Variants in CHD5 observed in about 807,000 individuals in gnomAD.
CHD5 encodes ATP-dependent chromatin remodeler CHD5.
In CHD5, 69 loss-of-function variants were observed where a neutral mutation model predicts 230.3. The ratio of observed to expected loss-of-function variants is 0.30; its 90% confidence interval spans 0.25 to 0.37. The LOEUF (loss-of-function observed/expected upper bound fraction) is 0.37. Ranked by LOEUF, CHD5 falls within the 10% of genes least tolerant of loss-of-function variation. The pLI, the probability that CHD5 is intolerant of heterozygous loss-of-function variation, is 1.00. For synonymous variants in CHD5, 1,064 were observed against 1,065.9 expected (o/e 1.00, Z 0.03); for missense variants, 1,827 against 2,622.8 (o/e 0.70, Z 6.63).
chr1:6,144,289 A>C, intron 11 of CHD5, 134 bp from the exon 12 acceptor site: 1 of 1,223,766 alleles, frequency 8.2e-7, no homozygotes, highest in Non-Finnish European at 1.2e-6. Context: ...CAGGAGGAGG[A>C]GACGAGGGCA....
At chr1:6,123,298 C>T (rs536184853) in intron 31 of CHD5, among the ~76,000 whole-genome samples, 1 of 152,210 alleles carries the variant, frequency 6.6e-6, no homozygotes, top group East Asian at 1.9e-4. Flanking sequence ...CTGCCCAGGC[C>T]TGGGGTGGGG....
At chr1:6,137,062 G>C (rs1310306009) in intron 15 of CHD5, among the ~76,000 whole-genome samples, 197 bp from the exon 16 acceptor site, 1 of 146,294 alleles carries the variant, frequency 6.8e-6, no homozygotes, top group Non-Finnish European at 1.5e-5. Context: ...TCAGAACACA[G>C]CCCTGAGAGA....
chr1:6,124,664 GGGGT>G lies in CHD5; in HGVS notation c.4395-7_4395-4del. On this transcript the variant is annotated splice_region_variant and splice_polypyrimidine_tract_variant and intron_variant, in intron 29 of 41. Transcript: ENST00000262450. ...GCATGAAGAGGGACACATAGGCTCT[GGGGT>G]GGGGGGGGGGGACTGGGGCTCAGGG... 1.4e-6 allele frequency: 2 copies of G among 1,401,866 alleles called. No individual in the cohort carries two copies. Among genetic ancestry groups the G allele is most frequent in the South Asian group, 1.3e-5 (1 of 76,126 alleles). The allele number at this position is 1,401,866 out of a possible 1,614,324, so 86.8% of individuals were successfully genotyped here. A position where few individuals can be genotyped will look rare whatever the true frequency, so the allele number is the denominator to read the frequency against.
intron 2 of CHD5, among the ~76,000 whole-genome samples, chr1:6,160,877 T>G (rs1354402548): frequency 2.0e-5 from 3 of 152,190 alleles, no homozygotes; most frequent in Non-Finnish European, 4.4e-5. Flanking sequence ...TCGGAGAAAG[T>G]GGTTTACTTG....
chr1:6,119,705 A>G (rs1359147748), intron 33 of CHD5, among the ~76,000 whole-genome samples: 1 of 151,896 alleles, frequency 6.6e-6, no homozygotes, highest in Non-Finnish European at 1.5e-5. Context: ...GCGCATATAT[A>G]TATACGTGTG....
intron 15 of CHD5, among the ~76,000 whole-genome samples, chr1:6,137,084 AGG>A (rs1557548594): frequency 2.7e-3 from 147 of 55,016 alleles, no homozygotes; most frequent in African/African-American, 7.1e-3. Flanking sequence ...GGTGGTGTGG[AGG>A]AGGAGAAGAA....
Position 6,125,394 on chromosome 1 carries a change from C to G in CHD5, c.4260+130G>C. The G allele has an allele frequency of 7.9e-7, 1 of 1,264,934 alleles. No individual in the cohort carries two copies. 78.4% of individuals were successfully genotyped at this position (1,264,934 alleles called of 1,614,324 possible). On this transcript the variant is annotated intron_variant, in intron 28 of 41. Coordinates refer to ENST00000262450, the MANE Select transcript of CHD5 (RefSeq NM_015557.3). The surrounding 1 kb of genome is among the most constrained non-coding windows in gnomAD (Gnocchi z 6.7). ...GGGGCAGGACCCTGACGGCGAAGAC[C>G]AGACCAAGTTCTGTCCAAGCTCCGC...
At chr1:6,135,867 G>A (rs575578101) in intron 17 of CHD5, among the ~76,000 whole-genome samples, 3 of 152,154 alleles carry the variant, frequency 2.0e-5, no homozygotes, top group African/African-American at 7.2e-5. Context: ...AAAATTAGCC[G>A]GGCGTGGTGA....
chr1:6,179,899 G>A (rs1667487573), intron 1 of CHD5, 46 bp downstream of exon 1: 2 of 1,127,220 alleles, frequency 1.8e-6, no homozygotes, highest in Admixed American at 3.3e-5. Context: ...GGCCCGTCTC[G>A]GCGCCCCCGC....
chr1:6,103,737 G>C lies in CHD5; in HGVS notation c.*1737C>G, dbSNP rs1666112452. ...GCAGTGTCAGGGTCGGGCTGGCCTT[G>C]CAGACCTGGATCCAGACTGGAGTGT... is the stretch of plus-strand genomic sequence containing the variant. On this transcript the variant is annotated 3_prime_UTR_variant, in exon 42 of 42. Transcript: ENST00000262450. The C allele has an allele frequency of 6.6e-6, 1 of 152,256 alleles. No homozygotes were observed. Among genetic ancestry groups the C allele is most frequent in the South Asian group, 2.1e-4 (1 of 4,838 alleles). The allele number at this position is 152,256 out of a possible 1,614,324, so 9.4% of individuals were successfully genotyped here.
chr1:6,133,985 A>G (rs939903807), intron 20 of CHD5, 143 bp downstream of exon 20: 2 of 758,296 alleles, frequency 2.6e-6, no homozygotes, highest in African/African-American at 3.5e-5. Context: ...CGGGGGAGTG[A>G]CCCCTGACAC....
chr1:6,143,979 A>G, intron 12 of CHD5, 45 bp downstream of exon 12: 1 of 1,614,072 alleles, frequency 6.2e-7, no homozygotes, highest in South Asian at 1.1e-5. Context: ...GCCCAGGAGC[A>G]GGTCCCGGCA....
In CHD5 at chr1:6,124,031, G is replaced by T. The variant is rs750463410; in HGVS notation, c.4616C>A (p.Ser1539Ter). Residue 1539 changes from serine to a stop codon, truncating the protein, a stop_gained, in exon 31 of 42, where the codon TCG (serine) becomes TAG (stop). Coordinates refer to ENST00000262450, the MANE Select transcript of CHD5 (RefSeq NM_015557.3). LOFTEE classifies it high-confidence loss of function. ...LIPEGPEGKKSGEVISSDPNT... is the reference protein window; with the variant it reads ...LIPEGPEGKK ...GGGGTCCGAGGAGATCACCTCGCCC[G>T]ACTTCTTCCCCTCGGGCCCCTCAGG... 2 of 1,613,076 alleles carry T rather than the reference G, an allele frequency of 1.2e-6. No homozygotes were observed. The highest frequency in any genetic ancestry group is 2.2e-5 in the South Asian group (2 of 90,932).
intron 2 of CHD5, among the ~76,000 whole-genome samples, chr1:6,165,397 G>C (rs59886884): frequency 0.2 from 29,797 of 152,084 alleles, 4,058 homozygotes; most frequent in East Asian, 0.47. Flanking sequence ...GGCCCACCCA[G>C]CCCAGTGGCC....
intron 13 of CHD5, among the ~76,000 whole-genome samples, chr1:6,143,216 A>G (rs1666856687): frequency 1.3e-5 from 2 of 151,902 alleles, no homozygotes; most frequent in Admixed American, 1.3e-4. Context: ...GTGCCTGGCT[A>G]ATTTTTTGTA....
chr1:6,167,015 T>C lies in CHD5; in HGVS notation c.207+1135A>G, dbSNP rs552793040. 1.3e-4 allele frequency among the ~76,000 whole-genome samples: 20 copies of C among 152,148 alleles called. No homozygotes were observed. Among genetic ancestry groups the C allele is most frequent in the Non-Finnish European group, 2.8e-4 (19 of 68,018 alleles). On this transcript the variant is annotated intron_variant, in intron 2 of 41. Coordinates refer to ENST00000262450, the MANE Select transcript of CHD5 (RefSeq NM_015557.3). This position sits in a 1 kb window ranked among gnomAD's most constrained non-coding sequence, Gnocchi z 4.5. ...TGGCAGCCACCTCCCCACCTCACTC[T>C]GCAGGGAGGCCTAGATCCGGGCCCA...
intron 2 of CHD5, among the ~76,000 whole-genome samples, chr1:6,165,865 A>G (rs1314852352): frequency 6.6e-6 from 1 of 151,838 alleles, no homozygotes; most frequent in Non-Finnish European, 1.5e-5. Context: ...CCACTTCCCC[A>G]TCAAATAACA....
At position 6,128,353 on chromosome 1, in the gene CHD5, G is replaced by T; in HGVS notation, c.3731-135C>A. ...AGCTGAGAGGCATGGTGACCAGACA[G>T]AGGAAACTGCGCTGTAACAGCCCCA... is the stretch of plus-strand genomic sequence containing the variant. On this transcript the variant is annotated intron_variant, in intron 24 of 41. Coordinates refer to ENST00000262450, the MANE Select transcript of CHD5 (RefSeq NM_015557.3). This position sits in a 1 kb window ranked among gnomAD's most constrained non-coding sequence, Gnocchi z 7.8. 8.9e-7 allele frequency: 1 copy of T among 1,126,586 alleles called. No homozygotes were observed. The highest frequency in any genetic ancestry group is 1.3e-6 in the Non-Finnish European group (1 of 778,080). The allele number at this position is 1,126,586 out of a possible 1,614,324, so 69.8% of individuals were successfully genotyped here. A position where few individuals can be genotyped will look rare whatever the true frequency, so the allele number is the denominator to read the frequency against.
intron 9 of CHD5, among the ~76,000 whole-genome samples, chr1:6,147,139 G>T (rs552854443): frequency 2.0e-5 from 3 of 152,238 alleles, no homozygotes; most frequent in Non-Finnish European, 4.4e-5. Flanking sequence ...ATCTGAGCCA[G>T]CGTAGGTGAG....
Sources: gnomAD v4.1 joint callset for allele counts (sites outside exome capture counted in the v4.1 genomes callset) on GRCh38, gnomAD v4.1.1 for gene constraint, Gnocchi (gnomAD v3.1) non-coding constraint, MANE v1.5 for transcripts, NCBI Gene and HGNC (gene_info 2026-07-23, HGNC 2026-07-21) for gene names.